SIRPB2: variants seen among roughly 807,000 people sequenced by gnomAD.
SIRPB2 encodes signal-regulatory protein beta-2.
A neutral mutation model predicts 27.1 loss-of-function variants in SIRPB2; 18 were observed. That is an observed-to-expected ratio of 0.66 (90% confidence interval 0.46 to 0.98). The LOEUF is 0.98. SIRPB2 is among the 50% of genes least tolerant of loss of function. The pLI, the probability that SIRPB2 is intolerant of heterozygous loss-of-function variation, is 0.00. For missense variants in SIRPB2, 420 were observed against 417.4 expected (o/e 1.01, Z -0.06); for synonymous variants, 150 against 164.6 (o/e 0.91, Z 0.68).
At position 1,478,407 on chromosome 20, in the gene SIRPB2, C is replaced by T. The variant is rs766564504; in HGVS notation, c.652G>A (p.Val218Met). Reference protein sequence around the residue: ...GGISHPKETAVQASNNDFSIL... With the variant: ...GGISHPKETAMQASNNDFSIL... Reference sequence around the variant, plus strand: ...CTGAAGTCATTGTTGGAGGCCTGCACCGCTGTCTCCTTGGGGTGGGAGATG... The same window carrying T: ...CTGAAGTCATTGTTGGAGGCCTGCATCGCTGTCTCCTTGGGGTGGGAGATG... The change falls in exon 3 of 5, where the codon GTG becomes ATG. Residue 218 changes from valine (V) to methionine (M), a missense_variant. Physicochemically the swap from Val to Met is conservative, Grantham distance 21 (BLOSUM62 1). Coordinates refer to ENST00000359801, the MANE Select transcript of SIRPB2 (RefSeq NM_001122962.2). The T allele has an allele frequency of 8.7e-6, 14 of 1,614,196 alleles. No homozygotes were observed. The highest frequency in any genetic ancestry group is 1.2e-5 in the Non-Finnish European group (14 of 1,180,034).
At chr20:1,482,593 CCCTT>C (rs2090682907) in intron 1 of SIRPB2, among the ~76,000 whole-genome samples, 1 of 140,674 alleles carries the variant, frequency 7.1e-6, no homozygotes, top group Admixed American at 7.2e-5. Flanking sequence ...CTCCCTCCCT[CCCTT>C]CCTTCTTTCC....
intron 1 of SIRPB2, among the ~76,000 whole-genome samples, chr20:1,487,220 A>T (rs935457691): frequency 5.3e-5 from 8 of 152,232 alleles, no homozygotes; most frequent in African/African-American, 1.9e-4. Flanking sequence ...CATCAATGTT[A>T]TAAAAATAGA....
rs1426499817 is a variant in SIRPB2 at position 1,475,663 on chromosome 20, T to G, written c.*504A>C. On this transcript the variant is annotated 3_prime_UTR_variant, in exon 5 of 5. Coordinates refer to ENST00000359801, the MANE Select transcript of SIRPB2 (RefSeq NM_001122962.2). The stretch of plus-strand genomic sequence containing the variant: ...TGTTATTTAAGAGCTTTGTTATAGT[T>G]GCTGAACCTGCATTCTAATATTATA... The G allele has an allele frequency of 6.5e-6, 1 of 154,806 alleles. No homozygotes were observed. The highest frequency in any genetic ancestry group is 1.4e-5 in the Non-Finnish European group (1 of 69,978). 9.6% of individuals were successfully genotyped at this position (154,806 alleles called of 1,614,324 possible). A position where few individuals can be genotyped will look rare whatever the true frequency, so the allele number is the denominator to read the frequency against.
chr20:1,476,264 A>C lies in SIRPB2; in HGVS notation c.932T>G (p.Leu311Arg), dbSNP rs1219137444. 1 of 1,613,960 alleles carries C rather than the reference A, an allele frequency of 6.2e-7. No individual in the cohort carries two copies. The highest frequency in any genetic ancestry group is 1.7e-5 in the Admixed American group (1 of 59,992). The change falls in exon 5 of 5, where the codon CTG (leucine) becomes CGG (arginine). Residue 311 changes from leucine to arginine, a missense_variant. Transcript: ENST00000359801. ...AITLAALLLA[L>R]ATSRRSPGQE... ...CCCAGGGCTCCTCCGAGAGGTAGCC[A>C]GGGCCAGTAGGAGTGCAGCCAAGGT...
chr20:1,486,076 C>T (rs924850995), intron 1 of SIRPB2, among the ~76,000 whole-genome samples: 9 of 141,514 alleles, frequency 6.4e-5, no homozygotes, highest in Non-Finnish European at 7.7e-5. Flanking sequence ...CTTTTCTTTT[C>T]TTTTTTTTTT....
downstream of SIRPB2, among the ~76,000 whole-genome samples, chr20:1,472,291 C>G (rs545801238): frequency 6.6e-6 from 1 of 152,314 alleles, no homozygotes; most frequent in African/African-American, 2.4e-5. Context: ...AGAGTCCCCA[C>G]GAAGGGCCTT....
intron 1 of SIRPB2, among the ~76,000 whole-genome samples, chr20:1,488,534 G>A (rs2090748396): frequency 6.6e-6 from 1 of 152,080 alleles, no homozygotes; most frequent in South Asian, 2.1e-4. Context: ...TGTAGTCACA[G>A]TTATTTGGTA....
chr20:1,490,276 G>A (rs1184456759), intron 1 of SIRPB2, among the ~76,000 whole-genome samples: 1 of 152,166 alleles, frequency 6.6e-6, no homozygotes, highest in Non-Finnish European at 1.5e-5. Context: ...GAGCACCTAG[G>A]TCCGACCCCA....
Position 1,479,751 on chromosome 20 carries a change from T to G in SIRPB2, c.400A>C (p.Ser134Arg). ...TCCGATTTCATTTCTGAGTGTTCAC[T>G]CAAACCATCAAACCTCACACAGTGG... ...TYHCVRFDGL[S>R]EHSEMKSDEG... The change falls in exon 2 of 5, where the codon AGT becomes CGT. Residue 134 changes from serine (S) to arginine (R), a missense_variant. Ser to Arg is a moderately radical substitution (Grantham distance 110). Coordinates refer to ENST00000359801, the MANE Select transcript of SIRPB2 (RefSeq NM_001122962.2). 1.2e-6 allele frequency: 2 copies of G among 1,614,210 alleles called. No individual in the cohort carries two copies. The highest frequency in any genetic ancestry group is 1.7e-6 in the Non-Finnish European group (2 of 1,180,034).
chr20:1,483,887 T>A (rs1308279453), intron 1 of SIRPB2, among the ~76,000 whole-genome samples: 2 of 152,144 alleles, frequency 1.3e-5, no homozygotes, highest in Admixed American at 6.5e-5. Flanking sequence ...TTCAGAATTA[T>A]CTTGTATCTT....
intron 1 of SIRPB2, among the ~76,000 whole-genome samples, chr20:1,482,716 A>G (rs905083994): frequency 1.3e-5 from 2 of 151,750 alleles, no homozygotes; most frequent in African/African-American, 4.8e-5. Context: ...TTCACTTAAC[A>G]TAATAATCTC....
At chr20:1,490,933 T>C (rs2090771043) in intron 1 of SIRPB2, among the ~76,000 whole-genome samples, 2 of 152,244 alleles carry the variant, frequency 1.3e-5, no homozygotes, top group Non-Finnish European at 1.5e-5. Flanking sequence ...CACTTTTCTA[T>C]TTAATACTCA....
At chr20:1,473,416 G>A (rs73071114), downstream of SIRPB2, among the ~76,000 whole-genome samples, 863 of 151,672 alleles carry the variant, frequency 5.7e-3, 2 homozygotes, top group Non-Finnish European at 7.5e-3. Flanking sequence ...ACGTGCACAC[G>A]CAGGCACACA....
At chr20:1,482,295 T>C (rs933067972) in intron 1 of SIRPB2, among the ~76,000 whole-genome samples, 3 of 152,224 alleles carry the variant, frequency 2.0e-5, no homozygotes, top group Non-Finnish European at 4.4e-5. Flanking sequence ...TTGTGAATTA[T>C]AGTCACCCTA....
At chr20:1,490,884 T>C (rs2090770625) in intron 1 of SIRPB2, among the ~76,000 whole-genome samples, 1 of 152,162 alleles carries the variant, frequency 6.6e-6, no homozygotes, top group African/African-American at 2.4e-5. Flanking sequence ...TTGCAGTGGG[T>C]CTCATAAACT....
At chr20:1,486,574 G>A (rs2090728856) in intron 1 of SIRPB2, among the ~76,000 whole-genome samples, 1 of 151,794 alleles carries the variant, frequency 6.6e-6, no homozygotes, top group Non-Finnish European at 1.5e-5. Flanking sequence ...TTAGTAAACC[G>A]AATTCAGCAA....
downstream of SIRPB2, chr20:1,473,900 T>C (rs1200302151): frequency 4.4e-6 from 2 of 455,838 alleles, no homozygotes; most frequent in East Asian, 1.4e-4. Flanking sequence ...GAAATTTATT[T>C]TCTCATATTT....
At chr20:1,477,554 T>G (rs1481876573) in intron 3 of SIRPB2, 151 bp from the exon 4 acceptor site, 1 of 1,378,684 alleles carries the variant, frequency 7.3e-7, no homozygotes, top group African/African-American at 1.5e-5. Context: ...AAGGACAAAG[T>G]TAGACTTTCT....
At position 1,479,870 on chromosome 20, in the gene SIRPB2, C is replaced by T. The variant is rs1019608303; in HGVS notation, c.281G>A (p.Gly94Glu). The change falls in exon 2 of 5, where the codon GGG (glycine) becomes GAG (glutamate). Residue 94 changes from glycine to glutamate, a missense_variant. Physicochemically the swap from Gly to Glu is moderately conservative, Grantham distance 98 (BLOSUM62 -2). Transcript: ENST00000359801. ...TGTCCGTTGGATCATGGGCATTACC[C>T]CAGGGAAGGAGCCACGTTTAAAGTT... ...IYNFKRGSFPGVMPMIQRTSE... is the reference protein window; with the variant it reads ...IYNFKRGSFPEVMPMIQRTSE... 3.1e-6 allele frequency: 5 copies of T among 1,614,116 alleles called. No individual in the cohort carries two copies. The highest frequency in any genetic ancestry group is 1.7e-6 in the Non-Finnish European group (2 of 1,180,052).
Sources: gnomAD v4.1 joint callset for allele counts (sites outside exome capture counted in the v4.1 genomes callset) on GRCh38, gnomAD v4.1.1 for gene constraint, MANE v1.5 for transcripts, NCBI Gene and HGNC (gene_info 2026-07-23, HGNC 2026-07-21) for gene names.